DLG1: variants seen among roughly 807,000 people sequenced by gnomAD.
DLG1 encodes disks large homolog 1.
In DLG1, 42 loss-of-function variants were observed where a neutral mutation model predicts 123.4. The ratio of observed to expected loss-of-function variants is 0.34; its 90% confidence interval spans 0.27 to 0.44. The LOEUF (loss-of-function observed/expected upper bound fraction) is 0.44, where lower values mean the gene tolerates loss of function less well. Among genes scored for constraint, DLG1 ranks in the 20% least tolerant of loss-of-function variants. DLG1 has a pLI of 1.00. For missense variants in DLG1, 942 were observed against 1,082.6 expected (o/e 0.87, Z 1.82); for synonymous variants, 317 against 356.2 (o/e 0.89, Z 1.24).
chr3:197,173,203 C>T (rs1429622208), intron 5 of DLG1, among the ~76,000 whole-genome samples: 1 of 152,018 alleles, frequency 6.6e-6, no homozygotes. Context: ...GTTGCTTCTC[C>T]GTATCTCTAG....
intron 8 of DLG1, 41 bp downstream of exon 8, chr3:197,140,099 C>A (rs767492218): frequency 5.0e-6 from 8 of 1,593,188 alleles, no homozygotes; most frequent in South Asian, 2.3e-5. Flanking sequence ...GAAAAATACA[C>A]AAAGTGGATT....
At position 197,142,749 on chromosome 3, in the gene DLG1, T is replaced by C. The variant is rs764875510; in HGVS notation, c.557A>G (p.Asp186Gly). Residue 186 changes from aspartate (D) to glycine (G), a missense_variant, in exon 7 of 25, where the codon GAT (aspartate) becomes GGT (glycine). By Grantham distance (94) the Asp-to-Gly change is moderately conservative (BLOSUM62 -1). Coordinates refer to ENST00000667157, the MANE Select transcript of DLG1 (RefSeq NM_001366207.1). ...AAGTGTGATTTCTTCATATTCATAA[T>C]CTGCATCTGTGCCATTAACCTACAG... ...TPTYVNGTDA[D>G]YEYEEITLER... is the part of the protein sequence containing the mutation. 2.5e-6 allele frequency: 4 copies of C among 1,609,342 alleles called. No individual in the cohort carries two copies. Among genetic ancestry groups the C allele is most frequent in the African/African-American group, 1.3e-5 (1 of 74,752 alleles).
intron 4 of DLG1, chr3:197,225,835 A>G (rs1739600984): frequency 6.6e-6 from 1 of 152,644 alleles, no homozygotes; most frequent in Non-Finnish European, 1.5e-5. Context: ...AAGCTTTTTA[A>G]GGAAGTATTA....
At chr3:197,123,765 T>C (rs1263967485) in intron 11 of DLG1, among the ~76,000 whole-genome samples, 1 of 152,124 alleles carries the variant, frequency 6.6e-6, no homozygotes, top group East Asian at 1.9e-4. Context: ...CTGACAAGGA[T>C]GTGCAAAAAC....
intron 5 of DLG1, among the ~76,000 whole-genome samples, chr3:197,172,099 T>C (rs1193962785): frequency 6.6e-6 from 1 of 152,140 alleles, no homozygotes; most frequent in Non-Finnish European, 1.5e-5. Context: ...ATACGTCACA[T>C]ATCAACATTT....
intron 5 of DLG1, among the ~76,000 whole-genome samples, chr3:197,191,584 A>G (rs1380227608): frequency 6.6e-6 from 1 of 152,130 alleles, no homozygotes; most frequent in Non-Finnish European, 1.5e-5. Flanking sequence ...CATCAGAAAT[A>G]AAAAAATTAT....
chr3:197,178,636 A>T (rs1808411693), intron 5 of DLG1, among the ~76,000 whole-genome samples: 1 of 152,186 alleles, frequency 6.6e-6, no homozygotes, highest in South Asian at 2.1e-4. Context: ...GCCCTGAGAC[A>T]TTTGAACATT....
intron 4 of DLG1, among the ~76,000 whole-genome samples, chr3:197,279,144 T>C (rs576601945): frequency 6.6e-6 from 1 of 152,324 alleles, no homozygotes; most frequent in Admixed American, 6.5e-5. Flanking sequence ...AATGATCACT[T>C]AGCCAAGTTT....
intron 22 of DLG1, 62 bp downstream of exon 22, chr3:197,065,214 T>C: frequency 6.8e-7 from 1 of 1,463,300 alleles, no homozygotes; most frequent in Non-Finnish European, 9.1e-7. Context: ...CCTACCAGTC[T>C]TGCATACTGT....
intron 4 of DLG1, among the ~76,000 whole-genome samples, chr3:197,203,664 A>C (rs903536737): frequency 2.0e-5 from 3 of 152,248 alleles, no homozygotes; most frequent in African/African-American, 7.2e-5. Flanking sequence ...GACATTTACT[A>C]CATTTCTTCT....
At chr3:197,168,607 G>T (rs1286724880) in intron 5 of DLG1, among the ~76,000 whole-genome samples, 1 of 152,160 alleles carries the variant, frequency 6.6e-6, no homozygotes, top group African/African-American at 2.4e-5. Context: ...GCAATATACA[G>T]TAACCATTAT....
intron 4 of DLG1, among the ~76,000 whole-genome samples, chr3:197,221,919 T>C (rs564454824): frequency 6.6e-6 from 1 of 152,324 alleles, no homozygotes; most frequent in South Asian, 2.1e-4. Context: ...TATAAAGTGG[T>C]GTATGTAGTA....
chr3:197,195,632 AAACAAAATACT>A (rs1237083585), intron 4 of DLG1, among the ~76,000 whole-genome samples: 2 of 152,122 alleles, frequency 1.3e-5, no homozygotes, highest in Admixed American at 6.5e-5. Context: ...CAGGAACAGA[AAACAAAATACT>A]ATTATGTTCC....
intron 4 of DLG1, among the ~76,000 whole-genome samples, chr3:197,237,371 T>C (rs1163793225): frequency 1.3e-5 from 2 of 152,150 alleles, no homozygotes; most frequent in Non-Finnish European, 2.9e-5. Flanking sequence ...GAAACGCCAA[T>C]GGTACAGACC....
chr3:197,051,632 T>C lies in DLG1; in HGVS notation c.2520A>G (p.Arg840=). The C allele has an allele frequency of 3.7e-6, 6 of 1,614,048 alleles. No homozygotes were observed. The highest frequency in any genetic ancestry group is 4.2e-6 in the Non-Finnish European group (5 of 1,179,938). ...MNKRLTEEQA[R]KTFERAMKLE... ...GTTTCATGGCTCTCTCAAATGTTTT[T>C]CTGGCTTGTTCTTCTGTTAGACGCT... Residue 840 remains arginine (R), a synonymous_variant, in exon 24 of 25, where the codon AGA becomes AGG. Coordinates refer to ENST00000667157, the MANE Select transcript of DLG1 (RefSeq NM_001366207.1).
chr3:197,069,285 A>T lies in DLG1; in HGVS notation c.2006-25T>A, dbSNP rs1304705880. The stretch of plus-strand genomic sequence containing the variant: ...TCTGAAATTGCAGGACAATGAAAAA[A>T]AATAAAACAGTGTCATGAGTTTAAA... On this transcript the variant is annotated intron_variant, in intron 18 of 24. Coordinates refer to ENST00000667157, the MANE Select transcript of DLG1 (RefSeq NM_001366207.1). 1.9e-6 allele frequency: 3 copies of T among 1,552,840 alleles called. No individual in the cohort carries two copies. In the Admixed American group the frequency reaches 5.4e-5, roughly 28 times the overall value.
At position 197,108,368 on chromosome 3, in the gene DLG1, G is replaced by A. The variant is rs531886335; in HGVS notation, c.1444-3363C>T. Among the ~76,000 whole-genome samples the A allele has an allele frequency of 4.7e-4, 72 of 152,302 alleles. 1 individual carries two copies. The South Asian group carries it at 0.014, about 31-fold the overall frequency. On this transcript the variant is annotated intron_variant, in intron 13 of 24. Coordinates refer to ENST00000667157, the MANE Select transcript of DLG1 (RefSeq NM_001366207.1). ...CCTTTTTGGGGAAGAGTTTGTGAATGATTGGTGTTAATTCTTTAAATGTTT... is the reference window on the plus strand; with the variant it reads ...CCTTTTTGGGGAAGAGTTTGTGAATAATTGGTGTTAATTCTTTAAATGTTT...
At chr3:197,049,500 G>A (rs1578095406) in intron 24 of DLG1, among the ~76,000 whole-genome samples, 1 of 152,054 alleles carries the variant, frequency 6.6e-6, no homozygotes, top group Admixed American at 6.5e-5. Context: ...CACGCCTGTA[G>A]TCCCGGCACT....
chr3:197,170,748 T>C (rs1561215320), intron 5 of DLG1, among the ~76,000 whole-genome samples: 1 of 152,236 alleles, frequency 6.6e-6, no homozygotes, highest in Non-Finnish European at 1.5e-5. Flanking sequence ...TAGATCCCAC[T>C]TGTCAATGTT....
Sources: allele counts gnomAD v4.1 joint callset (sites outside exome capture counted in the v4.1 genomes callset), GRCh38; gene constraint gnomAD v4.1.1; transcripts MANE v1.5; gene names NCBI Gene and HGNC (gene_info 2026-07-23, HGNC 2026-07-21).